Variants in ENPP6 observed in about 807,000 individuals in gnomAD.
The protein encoded by ENPP6 is ectonucleotide pyrophosphatase/phosphodiesterase 6, also known as glycerophosphocholine cholinephosphodiesterase ENPP6.
In ENPP6, 32 loss-of-function variants were observed where a neutral mutation model predicts 42.0. The observed-to-expected ratio is 0.76, with a 90% CI of 0.58 to 1.02. ENPP6 has a LOEUF of 1.02. ENPP6 is among the 50% of genes least tolerant of loss of function. The pLI is 0.00. For synonymous variants in ENPP6, 213 were observed against 216.0 expected, an observed-to-expected ratio of 0.99 and a Z score of 0.12; for missense variants, 552 against 566.8, an observed-to-expected ratio of 0.97 and a Z score of 0.27.
intron 2 of ENPP6, among the ~76,000 whole-genome samples, chr4:184,127,961 A>G (rs982458294): frequency 6.6e-6 from 1 of 152,178 alleles, no homozygotes; most frequent in African/African-American, 2.4e-5. Context: ...AAGGGAAGGG[A>G]TAGTCAATAT....
Position 184,198,001 on chromosome 4 carries a change from G to A in ENPP6, c.241+19578C>T, listed in dbSNP as rs533972721. The stretch of plus-strand genomic sequence containing the variant: ...TGGTGTTGCTGTCGGCCTTAAGGGC[G>A]AGAGAGGCATCCAGTATGAAGATGA... On this transcript the variant is annotated intron_variant, in intron 1 of 7. Coordinates refer to ENST00000296741, the MANE Select transcript of ENPP6 (RefSeq NM_153343.4). Among the ~76,000 whole-genome samples the A allele has an allele frequency of 9.3e-4, 141 of 152,338 alleles. 1 individual carries two copies. The highest frequency in any genetic ancestry group is 3.2e-3 in the African/African-American group (133 of 41,576).
intron 5 of ENPP6, among the ~76,000 whole-genome samples, chr4:184,113,202 A>G: frequency 6.6e-6 from 1 of 152,238 alleles, no homozygotes; most frequent in Admixed American, 6.5e-5. Flanking sequence ...AAGATGAATG[A>G]ATTATAGCTA....
At chr4:184,117,488 T>C (rs1270118067) in intron 4 of ENPP6, among the ~76,000 whole-genome samples, 1 of 152,150 alleles carries the variant, frequency 6.6e-6, no homozygotes. Flanking sequence ...CTACCAAACT[T>C]ATTAGGAGTC....
At chr4:184,113,152 T>G (rs1736231751) in intron 5 of ENPP6, among the ~76,000 whole-genome samples, 2 of 152,086 alleles carry the variant, frequency 1.3e-5, no homozygotes, top group Non-Finnish European at 2.9e-5. Context: ...AGAGAAAGAA[T>G]TCATGGTGTG....
chr4:184,170,443 A>AG (rs1363327289), intron 1 of ENPP6, among the ~76,000 whole-genome samples: 1 of 45,260 alleles, frequency 2.2e-5, no homozygotes, highest in East Asian at 2.1e-3. Context: ...AAAGAAAAGA[A>AG]GGAAAAAAAA....
chr4:184,201,404 G>A (rs1472648811), intron 1 of ENPP6, among the ~76,000 whole-genome samples: 1 of 152,170 alleles, frequency 6.6e-6, no homozygotes, highest in African/African-American at 2.4e-5. Flanking sequence ...TTGGGGTGAG[G>A]GAGGCGGGGC....
rs1020451639 is a variant in ENPP6, at chr4:184,097,147, A to G, written c.1117+98T>C. The G allele has an allele frequency of 2.6e-6, 4 of 1,545,714 alleles. No individual in the cohort carries two copies. In the South Asian group the frequency reaches 4.8e-5, roughly 19 times the overall value. ...TGCTTGGCTCATAAAGAGGGTCTGT[A>G]AGGAAATCCCTGCAGCCTCTCCTGG... On this transcript the variant is annotated intron_variant, in intron 7 of 7. Coordinates refer to ENST00000296741, the MANE Select transcript of ENPP6 (RefSeq NM_153343.4).
intron 2 of ENPP6, among the ~76,000 whole-genome samples, chr4:184,131,034 G>A (rs1490309136): frequency 6.6e-6 from 1 of 152,126 alleles, no homozygotes; most frequent in African/African-American, 2.4e-5. Flanking sequence ...TAGGATACAC[G>A]CATTAAGAGA....
chr4:184,192,005 C>A (rs1579657974), intron 1 of ENPP6, among the ~76,000 whole-genome samples: 1 of 152,178 alleles, frequency 6.6e-6, no homozygotes, highest in East Asian at 1.9e-4. Flanking sequence ...GGAAAGACAG[C>A]CCATATTCAT....
Position 184,117,862 on chromosome 4 carries a change from C to T in ENPP6, c.572G>A (p.Arg191His), listed in dbSNP as rs763550965. The change falls in exon 4 of 8, where the codon CGC becomes CAC. Residue 191 changes from arginine (R) to histidine (H), a missense_variant. By Grantham distance (29) the Arg-to-His change is conservative. Coordinates refer to ENST00000296741, the MANE Select transcript of ENPP6 (RefSeq NM_153343.4). The stretch of plus-strand genomic sequence containing the variant: ...GTAGTGGTGGCCTTCCACGTCAATG[C>T]GCTCATGGTATATGGCTGCCAGGTC... ...RADLAAIYHE[R>H]IDVEGHHYGP... 9 of 1,614,088 alleles carry T rather than the reference C, an allele frequency of 5.6e-6. No homozygotes were observed. Among genetic ancestry groups the T allele is most frequent in the Admixed American group, 1.7e-5 (1 of 60,008 alleles).
intron 2 of ENPP6, among the ~76,000 whole-genome samples, chr4:184,133,120 G>C (rs998216106): frequency 6.6e-6 from 1 of 150,522 alleles, no homozygotes; most frequent in African/African-American, 2.5e-5. Flanking sequence ...AGCTATTCTG[G>C]AGTCTGCACT....
At position 184,097,252 on chromosome 4, in the gene ENPP6, G is replaced by C. The variant is rs779479752; in HGVS notation, c.1110C>G (p.Phe370Leu). 8 of 1,614,034 alleles carry C rather than the reference G, an allele frequency of 5.0e-6. No homozygotes were observed. The highest frequency in any genetic ancestry group is 6.8e-6 in the Non-Finnish European group (8 of 1,180,030). ...GGTCATTTCCTCGCCTACCAGGTCCGAAGGCCAGGAAGATGCCCCGCATGT... is the reference window on the plus strand; with the variant it reads ...GGTCATTTCCTCGCCTACCAGGTCCCAAGGCCAGGAAGATGCCCCGCATGT... ...LMDMRGIFLA[F>L]GPDFKSNFRA... The change falls in exon 7 of 8, where the codon TTC (phenylalanine) becomes TTG (leucine). Residue 370 changes from phenylalanine to leucine, a missense_variant. By Grantham distance (22) the Phe-to-Leu change is conservative. Transcript: ENST00000296741.
intron 3 of ENPP6, among the ~76,000 whole-genome samples, chr4:184,122,427 A>ACCACCACCG (rs1239422897): frequency 1.4e-5 from 2 of 141,932 alleles, no homozygotes; most frequent in African/African-American, 5.2e-5. Flanking sequence ...CACCACCACC[A>ACCACCACCG]CCACCACCAC....
At chr4:184,153,877 C>G (rs1737106338) in intron 1 of ENPP6, 144 bp from the exon 2 acceptor site, 1 of 973,850 alleles carries the variant, frequency 1.0e-6, no homozygotes. Flanking sequence ...AAAAAAAAAT[C>G]AGATTTTTTT....
At chr4:184,214,231 AAAGTAT>A (rs1733162004) in intron 1 of ENPP6, among the ~76,000 whole-genome samples, 1 of 151,776 alleles carries the variant, frequency 6.6e-6, no homozygotes. Flanking sequence ...CCTAAAACTT[AAAGTAT>A]AATAATAAAA....
At chr4:184,196,887 G>A (rs1489066577) in intron 1 of ENPP6, among the ~76,000 whole-genome samples, 4 of 152,214 alleles carry the variant, frequency 2.6e-5, no homozygotes, top group African/African-American at 7.2e-5. Flanking sequence ...TTAGGGATCA[G>A]TCTGATGTCC....
At chr4:184,214,243 T>TAA (rs924058998) in intron 1 of ENPP6, among the ~76,000 whole-genome samples, 1 of 142,760 alleles carries the variant, frequency 7.0e-6, no homozygotes, top group African/African-American at 2.6e-5. Context: ...AGTATAATAA[T>TAA]AAAAAAAAAA....
At chr4:184,131,077 T>G (rs1736602208) in intron 2 of ENPP6, among the ~76,000 whole-genome samples, 1 of 152,204 alleles carries the variant, frequency 6.6e-6, no homozygotes, top group African/African-American at 2.4e-5. Context: ...TACAGTCAAC[T>G]TTATAAGATA....
intron 1 of ENPP6, among the ~76,000 whole-genome samples, chr4:184,211,951 T>C (rs1733120340): frequency 6.8e-6 from 1 of 147,612 alleles, no homozygotes; most frequent in South Asian, 2.2e-4. Flanking sequence ...AATCAATAAA[T>C]GTAATCCAGC....
Sources: allele counts gnomAD v4.1 joint callset (sites outside exome capture counted in the v4.1 genomes callset), GRCh38; gene constraint gnomAD v4.1.1; transcripts MANE v1.5; gene names NCBI Gene and HGNC (gene_info 2026-07-23, HGNC 2026-07-21).